The following THEMIS variants were observed in gnomAD, a reference collection of about 807,000 sequenced individuals.
THEMIS encodes protein THEMIS.
In THEMIS, 37 loss-of-function variants were observed where a neutral mutation model predicts 52.6. That is an observed-to-expected ratio of 0.70 (90% CI 0.54 to 0.93). THEMIS has a LOEUF of 0.93. Ranked by LOEUF, THEMIS falls within the 40% of genes least tolerant of loss-of-function variation. The probability of loss-of-function intolerance (pLI) is 0.00; values close to 1 mark genes in which losing one functional copy is unlikely to be tolerated. For missense variants in THEMIS, 808 were observed against 763.1 expected (o/e 1.06, Z -0.69); for synonymous variants, 292 against 272.7 (o/e 1.07, Z -0.70).
At position 127,756,224 on chromosome 6, in the gene THEMIS, A is replaced by G. The variant is rs535577535; in HGVS notation, c.1759-36401T>C. Among the ~76,000 whole-genome samples the G allele has an allele frequency of 7.9e-4, 120 of 152,282 alleles. 1 individual carries two copies. In the South Asian group the frequency reaches 0.023, roughly 29 times the overall value. On this transcript the variant is annotated intron_variant, in intron 4 of 5. Transcript: ENST00000368248. ...CAGGTAAAAACGGTAGAACACAAAC[A>G]TCTCCTTAATCTGTAGATCAATGCC...
intron 4 of THEMIS, among the ~76,000 whole-genome samples, chr6:127,773,320 G>A (rs1026889883): frequency 6.6e-6 from 1 of 152,104 alleles, no homozygotes; most frequent in African/African-American, 2.4e-5. Context: ...ATATATTACA[G>A]CATGGCTAAT....
chr6:127,771,896 C>A (rs1776398071), intron 4 of THEMIS, among the ~76,000 whole-genome samples: 1 of 152,030 alleles, frequency 6.6e-6, no homozygotes, highest in South Asian at 2.1e-4. Context: ...GTGCATCACA[C>A]CATATACATA....
At chr6:127,860,996 T>C (rs1030615560) in intron 1 of THEMIS, among the ~76,000 whole-genome samples, 2 of 152,118 alleles carry the variant, frequency 1.3e-5, no homozygotes, top group African/African-American at 4.8e-5. Flanking sequence ...GAAATAAATA[T>C]CCCTCCTGTG....
chr6:127,810,421 G>A (rs1777863578), intron 4 of THEMIS, among the ~76,000 whole-genome samples: 1 of 152,130 alleles, frequency 6.6e-6, no homozygotes, highest in Non-Finnish European at 1.5e-5. Flanking sequence ...GGGTCCTAAT[G>A]AGATGTGTTT....
intron 4 of THEMIS, among the ~76,000 whole-genome samples, chr6:127,808,074 G>C (rs537594827): frequency 6.6e-6 from 1 of 152,166 alleles, no homozygotes; most frequent in Admixed American, 6.5e-5. Context: ...GGGTGTTCTT[G>C]TCCGACAGAA....
chr6:127,760,314 A>G (rs1343256238), intron 4 of THEMIS, among the ~76,000 whole-genome samples: 1 of 152,132 alleles, frequency 6.6e-6, no homozygotes, highest in African/African-American at 2.4e-5. Context: ...AAATCAGGAA[A>G]TATGTTGCCT....
In THEMIS at chr6:127,861,398, A is replaced by G. The variant is rs186681292; in HGVS notation, c.92-6210T>C. Reference sequence around the variant, plus strand: ...AGTGTGTTCGCACAATACATACAAAATAAAGCTTCATGTTATTATCTATTT... The same window carrying G: ...AGTGTGTTCGCACAATACATACAAAGTAAAGCTTCATGTTATTATCTATTT... On this transcript the variant is annotated intron_variant, in intron 1 of 5. Transcript: ENST00000368248. Among the ~76,000 whole-genome samples the G allele has an allele frequency of 5.8e-4, 89 of 152,312 alleles. 1 individual carries two copies. Among genetic ancestry groups the G allele is most frequent in the Non-Finnish European group, 9.8e-4 (67 of 68,026 alleles).
chr6:127,814,494 T>C (rs1403824364), intron 3 of THEMIS, among the ~76,000 whole-genome samples: 1 of 152,176 alleles, frequency 6.6e-6, no homozygotes, highest in Non-Finnish European at 1.5e-5. Context: ...TGCAAAATCC[T>C]AAGATACAAG....
In THEMIS at chr6:127,915,544, G is replaced by T. The variant is rs56260230; in HGVS notation, c.-150+2884C>A. ...TGATGGGCTCTGTACTCTGCTTGGGGCAGGAGGGGGCTAGGGGTGGGGAGA... is the reference window on the plus strand; with the variant it reads ...TGATGGGCTCTGTACTCTGCTTGGGTCAGGAGGGGGCTAGGGGTGGGGAGA... On this transcript the variant is annotated intron_variant, in intron 1 of 6. Coordinates refer to the THEMIS transcript ENST00000368250. Among the ~76,000 whole-genome samples the T allele has an allele frequency of 4.8e-3, 719 of 150,468 alleles. 6 individuals carry two copies. The highest frequency in any genetic ancestry group is 0.017 in the African/African-American group (685 of 40,340).
At chr6:127,910,880 T>C (rs1015359095) in intron 1 of THEMIS, among the ~76,000 whole-genome samples, 2 of 152,140 alleles carry the variant, frequency 1.3e-5, no homozygotes, top group Non-Finnish European at 2.9e-5. Context: ...GGATACCCCA[T>C]TGCCTTTGGC....
upstream of THEMIS, among the ~76,000 whole-genome samples, chr6:127,904,539 G>C (rs1464115112): frequency 6.6e-6 from 1 of 152,066 alleles, no homozygotes; most frequent in African/African-American, 2.4e-5. Flanking sequence ...CTGCCAGATA[G>C]AAGCAAATGT....
chr6:127,910,263 T>A (rs1028734735), intron 1 of THEMIS, among the ~76,000 whole-genome samples: 1 of 152,144 alleles, frequency 6.6e-6, no homozygotes, highest in African/African-American at 2.4e-5. Flanking sequence ...TGTCTCTTTT[T>A]TCCAATTAAA....
At chr6:127,876,259 G>C (rs445508) in intron 1 of THEMIS, among the ~76,000 whole-genome samples, 152,288 of 152,290 alleles carry the variant, frequency 1, 76,143 homozygotes, top group Middle Eastern at 1. Context: ...TGATCCACCA[G>C]CAGGCACTGG....
At chr6:127,819,190 G>A (rs1173686678) in intron 3 of THEMIS, among the ~76,000 whole-genome samples, 1 of 149,250 alleles carries the variant, frequency 6.7e-6, no homozygotes, top group Non-Finnish European at 1.5e-5. Context: ...AAAGTCTTTG[G>A]TGGGTTTCTC....
chr6:127,752,444 A>C (rs566999948), intron 4 of THEMIS, among the ~76,000 whole-genome samples: 2 of 151,382 alleles, frequency 1.3e-5, no homozygotes, highest in South Asian at 4.2e-4. Context: ...AATAAAAATA[A>C]ATATAAATTA....
intron 1 of THEMIS, among the ~76,000 whole-genome samples, chr6:127,855,514 G>C (rs1779590491): frequency 6.6e-6 from 1 of 151,776 alleles, no homozygotes; most frequent in Admixed American, 6.6e-5. Context: ...ATCTGTTTTT[G>C]CTGGGTCACA....
intron 5 of THEMIS, among the ~76,000 whole-genome samples, chr6:127,711,051 C>T (rs1773963814): frequency 6.7e-6 from 1 of 148,236 alleles, no homozygotes; most frequent in South Asian, 2.2e-4. Flanking sequence ...CTCCCACTTT[C>T]CCTCACTTTC....
intron 1 of THEMIS, among the ~76,000 whole-genome samples, chr6:127,871,716 G>GA (rs1297360919): frequency 3.3e-5 from 5 of 151,854 alleles, no homozygotes; most frequent in African/African-American, 1.2e-4. Flanking sequence ...CTCCAAAAGA[G>GA]AAAAAACCAA....
chr6:127,852,388 A>T (rs1433011501), intron 2 of THEMIS, among the ~76,000 whole-genome samples: 3 of 151,682 alleles, frequency 2.0e-5, no homozygotes, highest in East Asian at 3.9e-4. Flanking sequence ...AAACCAACAG[A>T]CATCTGTAGA....
Sources: gnomAD v4.1 joint callset for allele counts (sites outside exome capture counted in the v4.1 genomes callset) on GRCh38, gnomAD v4.1.1 for gene constraint, MANE v1.5 for transcripts, NCBI Gene and HGNC (gene_info 2026-07-23, HGNC 2026-07-21) for gene names.